EIPR1: variants seen among roughly 807,000 people sequenced by gnomAD.
The protein encoded by EIPR1 is EARP and GARP complex-interacting protein 1.
EIPR1 carries 25 observed loss-of-function variants against 48.1 expected under a neutral mutation model. The observed-to-expected ratio is 0.52, with a 90% CI of 0.38 to 0.73. The LOEUF (loss-of-function observed/expected upper bound fraction) is 0.73. Among genes scored for constraint, EIPR1 ranks in the 30% least tolerant of loss-of-function variants. EIPR1 has a pLI of 0.00. For missense variants in EIPR1, 415 were observed against 506.2 expected (o/e 0.82, Z 1.73); for synonymous variants, 204 against 201.9 (o/e 1.01, Z -0.09).
intron 3 of EIPR1, among the ~76,000 whole-genome samples, chr2:3,265,866 A>C (rs1667470932): frequency 6.6e-6 from 1 of 152,272 alleles, no homozygotes; most frequent in African/African-American, 2.4e-5. Flanking sequence ...ACAGCTCATT[A>C]GCGCTGATGT....
At chr2:3,198,574 C>T (rs1325235514) in intron 5 of EIPR1, among the ~76,000 whole-genome samples, 2 of 152,140 alleles carry the variant, frequency 1.3e-5, no homozygotes, top group Admixed American at 1.3e-4. Flanking sequence ...AGGTTCTTTT[C>T]TATTTTCCCT....
intron 5 of EIPR1, among the ~76,000 whole-genome samples, chr2:3,202,245 A>G (rs2103117505): frequency 6.6e-6 from 1 of 152,342 alleles, no homozygotes; most frequent in South Asian, 2.1e-4. Flanking sequence ...CCTAGGTTCA[A>G]TGTCTTAACT....
chr2:3,368,898 G>C (rs1257644753), intron 1 of EIPR1, among the ~76,000 whole-genome samples: 2 of 152,074 alleles, frequency 1.3e-5, no homozygotes, highest in Non-Finnish European at 1.5e-5. Context: ...CCTCCGTGTT[G>C]GTCTTTTATT....
chr2:3,230,767 A>G (rs761648952), intron 4 of EIPR1, among the ~76,000 whole-genome samples: 1 of 152,222 alleles, frequency 6.6e-6, no homozygotes, highest in Non-Finnish European at 1.5e-5. Context: ...CTTATGATAT[A>G]AGAAATTAGG....
chr2:3,251,565 C>T (rs1234246976), intron 4 of EIPR1, among the ~76,000 whole-genome samples: 3 of 152,142 alleles, frequency 2.0e-5, no homozygotes, highest in Admixed American at 6.5e-5. Flanking sequence ...AAATCTGAAA[C>T]GAGAGCCCGC....
intron 6 of EIPR1, among the ~76,000 whole-genome samples, chr2:3,196,247 T>C (rs1287140068): frequency 6.6e-6 from 1 of 152,226 alleles, no homozygotes. Flanking sequence ...CATCCGTCTT[T>C]TCAGCTCGGT....
chr2:3,281,330 C>A (rs914167867), intron 3 of EIPR1, among the ~76,000 whole-genome samples: 14 of 152,068 alleles, frequency 9.2e-5, no homozygotes, highest in Non-Finnish European at 1.8e-4. Context: ...AGTGAGCGTG[C>A]ACATTTCCTG....
intron 3 of EIPR1, among the ~76,000 whole-genome samples, chr2:3,278,364 C>A (rs1049886574): frequency 6.6e-6 from 1 of 152,198 alleles, no homozygotes; most frequent in Non-Finnish European, 1.5e-5. Flanking sequence ...GGAACCTCCT[C>A]CAAGCTACCA....
At chr2:3,317,463 G>C (rs1669346622) in intron 3 of EIPR1, among the ~76,000 whole-genome samples, 1 of 152,244 alleles carries the variant, frequency 6.6e-6, no homozygotes, top group African/African-American at 2.4e-5. Flanking sequence ...ACCGAGCTGA[G>C]GGCCTACTGT....
At chr2:3,338,362 C>G (rs1670130435) in intron 2 of EIPR1, among the ~76,000 whole-genome samples, 1 of 152,192 alleles carries the variant, frequency 6.6e-6, no homozygotes, top group African/African-American at 2.4e-5. Flanking sequence ...TGGAGCATTT[C>G]TAAGATTGCA....
intron 2 of EIPR1, among the ~76,000 whole-genome samples, chr2:3,345,083 G>A (rs1001599008): frequency 2.6e-5 from 4 of 152,088 alleles, no homozygotes; most frequent in East Asian, 1.9e-4. Flanking sequence ...CCAGAAGCAC[G>A]TTGCTCAGAA....
chr2:3,319,110 C>G, intron 3 of EIPR1: 2 of 364,890 alleles, frequency 5.5e-6, no homozygotes, highest in Non-Finnish European at 1.1e-5. Context: ...AGTGCTTGAG[C>G]GTCATTACAA....
At chr2:3,228,595 G>A (rs112474018) in intron 4 of EIPR1, among the ~76,000 whole-genome samples, 9 of 152,176 alleles carry the variant, frequency 5.9e-5, no homozygotes, top group African/African-American at 2.2e-4. Flanking sequence ...TAAGATCTGG[G>A]AGGCGGAAGG....
intron 3 of EIPR1, among the ~76,000 whole-genome samples, chr2:3,267,086 G>A (rs954198357): frequency 1.3e-4 from 20 of 152,308 alleles, no homozygotes; most frequent in Non-Finnish European, 1.5e-4. Flanking sequence ...CAGGATCTAC[G>A]GCCAAGCAGG....
intron 7 of EIPR1, 144 bp from the exon 8 acceptor site, chr2:3,192,725 C>T (rs1664652379): frequency 2.7e-6 from 2 of 754,300 alleles, no homozygotes; most frequent in African/African-American, 3.6e-5. Flanking sequence ...CAGGGCCTGA[C>T]ATAAGGCAGT....
intron 4 of EIPR1, among the ~76,000 whole-genome samples, chr2:3,234,678 G>A (rs1000894372): frequency 3.3e-5 from 5 of 152,250 alleles, no homozygotes; most frequent in African/African-American, 9.6e-5. Flanking sequence ...TAAAAGTGCG[G>A]GACGCTGTTG....
intron 1 of EIPR1, among the ~76,000 whole-genome samples, chr2:3,356,458 A>G (rs1670731470): frequency 2.0e-5 from 3 of 152,352 alleles, no homozygotes; most frequent in East Asian, 1.9e-4. Flanking sequence ...AAAAAGTTGT[A>G]CAACTGGTTA....
chr2:3,312,205 C>T lies in EIPR1; in HGVS notation c.259+25812G>A, dbSNP rs1356155231. Among the ~76,000 whole-genome samples, 1 of 152,196 alleles carries T rather than the reference C, an allele frequency of 6.6e-6. No homozygotes were observed. Among genetic ancestry groups the T allele is most frequent in the African/African-American group, 2.4e-5 (1 of 41,454 alleles). ...CTCTGCACATGGAGTGACCTGCAGC[C>T]ACATCAGTCCCCATCTGTCTGCTCT... On this transcript the variant is annotated intron_variant, in intron 3 of 8. Coordinates refer to ENST00000382125, the MANE Select transcript of EIPR1 (RefSeq NM_003310.5). This position sits in a 1 kb window ranked among gnomAD's most constrained non-coding sequence, Gnocchi z 5.5.
intron 3 of EIPR1, among the ~76,000 whole-genome samples, chr2:3,287,777 T>A (rs1218001740): frequency 6.6e-6 from 1 of 151,634 alleles, no homozygotes; most frequent in Non-Finnish European, 1.5e-5. Context: ...TCATTCACTA[T>A]GCTCCAGAAA....
Sources: allele counts gnomAD v4.1 joint callset (sites outside exome capture counted in the v4.1 genomes callset), GRCh38; gene constraint gnomAD v4.1.1; non-coding constraint Gnocchi (gnomAD v3.1); transcripts MANE v1.5; gene names NCBI Gene and HGNC (gene_info 2026-07-23, HGNC 2026-07-21).